The following CLVS1 variants were observed in gnomAD, a reference collection of about 807,000 sequenced individuals.
CLVS1 encodes clavesin-1.
CLVS1 carries 10 observed loss-of-function variants against 33.1 expected under a neutral mutation model. That is an observed-to-expected ratio of 0.30 (90% CI 0.19 to 0.51). The LOEUF (loss-of-function observed/expected upper bound fraction) is 0.51. CLVS1 is among the 20% of genes least tolerant of loss of function. The probability of loss-of-function intolerance (pLI) is 0.97; values close to 1 mark genes in which losing one functional copy is unlikely to be tolerated. For missense variants in CLVS1, 343 were observed against 433.4 expected, an observed-to-expected ratio of 0.79 and a Z score of 1.85; for synonymous variants, 163 against 166.1, an observed-to-expected ratio of 0.98 and a Z score of 0.14.
At chr8:61,100,093 G>A (rs1226669824) in intron 1 of CLVS1, among the ~76,000 whole-genome samples, 1 of 152,190 alleles carries the variant, frequency 6.6e-6, no homozygotes, top group African/African-American at 2.4e-5. Context: ...GTGTGTGGAT[G>A]ACTGATGATT....
At chr8:61,119,002 A>T (rs1805801220) in intron 1 of CLVS1, among the ~76,000 whole-genome samples, 1 of 152,080 alleles carries the variant, frequency 6.6e-6, no homozygotes, top group Non-Finnish European at 1.5e-5. Flanking sequence ...AATGTGTGGG[A>T]GTCTAAGTCT....
chr8:61,229,266 A>G (rs1329983975), intron 2 of CLVS1, among the ~76,000 whole-genome samples: 2 of 152,244 alleles, frequency 1.3e-5, no homozygotes, highest in Non-Finnish European at 2.9e-5. Flanking sequence ...TATGCCAGGC[A>G]CTGCCAGTAG....
rs192063170 is a variant in CLVS1, at chr8:61,428,634, C to G, written c.631-25507C>G. Among the ~76,000 whole-genome samples the G allele has an allele frequency of 5.9e-5, 9 of 152,296 alleles. No homozygotes were observed. The East Asian group carries it at 1.7e-3, about 29-fold the overall frequency. On this transcript the variant is annotated intron_variant, in intron 3 of 5. Coordinates refer to ENST00000325897, the MANE Select transcript of CLVS1 (RefSeq NM_173519.3). ...AAAAGGCACATTCCTCCCCTTACAG[C>G]GGATTGAAGTGCTCCCTGATGATGT...
intron 2 of CLVS1, among the ~76,000 whole-genome samples, chr8:61,191,068 C>CA (rs894252188): frequency 1.4e-4 from 21 of 151,508 alleles, no homozygotes; most frequent in African/African-American, 3.9e-4. Flanking sequence ...AGAGACACAA[C>CA]AAAAAAAAGA....
intron 3 of CLVS1, among the ~76,000 whole-genome samples, chr8:61,433,464 G>A (rs1165454241): frequency 1.3e-5 from 2 of 152,312 alleles, no homozygotes; most frequent in East Asian, 3.9e-4. Flanking sequence ...GCCTGACTCA[G>A]TGCCCAAGCT....
chr8:61,313,873 A>G (rs1176993564), intron 2 of CLVS1, among the ~76,000 whole-genome samples: 2 of 152,106 alleles, frequency 1.3e-5, no homozygotes, highest in African/African-American at 4.8e-5. Flanking sequence ...GGCCTAATGG[A>G]GAGAGAGAGC....
At chr8:61,251,234 T>A (rs1376889487) in intron 2 of CLVS1, among the ~76,000 whole-genome samples, 1 of 152,236 alleles carries the variant, frequency 6.6e-6, no homozygotes, top group Non-Finnish European at 1.5e-5. Flanking sequence ...TTTGTGTATG[T>A]TGAACCAGCC....
chr8:61,086,993 G>T (rs1805138739), intron 1 of CLVS1, among the ~76,000 whole-genome samples: 1 of 152,162 alleles, frequency 6.6e-6, no homozygotes, highest in African/African-American at 2.4e-5. Flanking sequence ...GCAGCATGAG[G>T]TACAGGGCTA....
chr8:61,028,272 T>G, the CLVS1 span, among the ~76,000 whole-genome samples: 6 of 152,204 alleles, frequency 3.9e-5, no homozygotes, highest in African/African-American at 1.4e-4. Flanking sequence ...TAATAACGAT[T>G]ATAATAAAGG....
chr8:61,305,457 G>A (rs11996559), intron 2 of CLVS1, among the ~76,000 whole-genome samples: 3,164 of 152,082 alleles, frequency 0.021, 103 homozygotes, highest in African/African-American at 0.072. Flanking sequence ...ATTATTTCAC[G>A]TAACATAATG....
At chr8:60,977,070 C>T in the CLVS1 span, among the ~76,000 whole-genome samples, 6 of 152,202 alleles carry the variant, frequency 3.9e-5, no homozygotes, top group Admixed American at 3.3e-4. Flanking sequence ...CAGTCATTGG[C>T]TGACTGCAGA....
chr8:61,350,761 C>A (rs934913469), intron 2 of CLVS1, among the ~76,000 whole-genome samples: 8 of 152,082 alleles, frequency 5.3e-5, no homozygotes, highest in African/African-American at 1.7e-4. Flanking sequence ...TTTTAGTTAA[C>A]TATGTGATTC....
At chr8:61,108,248 A>C (rs925991759) in intron 1 of CLVS1, among the ~76,000 whole-genome samples, 47 of 151,610 alleles carry the variant, frequency 3.1e-4, no homozygotes, top group African/African-American at 1.1e-3. Flanking sequence ...TAAAAAAAAA[A>C]TCTCTGCCCT....
chr8:61,058,699 G>T (rs1462841271), intron 1 of CLVS1, among the ~76,000 whole-genome samples: 1 of 152,058 alleles, frequency 6.6e-6, no homozygotes, highest in East Asian at 1.9e-4. Context: ...GATCCCCTTT[G>T]CTTCTGTCTC....
At chr8:61,431,373 C>T (rs1816108522) in intron 3 of CLVS1, among the ~76,000 whole-genome samples, 1 of 152,222 alleles carries the variant, frequency 6.6e-6, no homozygotes, top group African/African-American at 2.4e-5. Flanking sequence ...CAAGAGGAGG[C>T]CGTGTATGAA....
intron 1 of CLVS1, among the ~76,000 whole-genome samples, chr8:61,059,992 G>T (rs753759331): frequency 6.6e-6 from 1 of 152,102 alleles, no homozygotes; most frequent in East Asian, 1.9e-4. Context: ...ATGCCCTCAA[G>T]TGAATGATAC....
intron 3 of CLVS1, among the ~76,000 whole-genome samples, chr8:61,440,360 C>A (rs1441355045): frequency 4.6e-5 from 7 of 152,166 alleles, no homozygotes. Context: ...ATTATGTAAA[C>A]TGCTTTTAAG....
At chr8:61,359,938 C>T (rs931029407) in intron 2 of CLVS1, among the ~76,000 whole-genome samples, 1 of 152,150 alleles carries the variant, frequency 6.6e-6, no homozygotes, top group African/African-American at 2.4e-5. Context: ...AATCCTGTAT[C>T]TGGAGCTCTT....
intron 1 of CLVS1, among the ~76,000 whole-genome samples, chr8:61,110,357 C>T (rs1412466655): frequency 6.6e-6 from 1 of 152,156 alleles, no homozygotes; most frequent in East Asian, 1.9e-4. Flanking sequence ...TCCCTCTCTT[C>T]CTTTTTGAGA....
Sources: allele counts gnomAD v4.1 joint callset (sites outside exome capture counted in the v4.1 genomes callset), GRCh38; gene constraint gnomAD v4.1.1; transcripts MANE v1.5; gene names NCBI Gene and HGNC (gene_info 2026-07-23, HGNC 2026-07-21).